The following AREG variants were observed in gnomAD, a reference collection of about 807,000 sequenced individuals.
The protein encoded by AREG is amphiregulin.
A neutral mutation model predicts 28.0 loss-of-function variants in AREG; 16 were observed. The ratio of observed to expected loss-of-function variants is 0.57; its 90% CI spans 0.39 to 0.87. AREG has a LOEUF of 0.87. Ranked by LOEUF, AREG falls within the 40% of genes least tolerant of loss-of-function variation. The pLI is 0.00. For missense variants in AREG, 287 were observed against 309.1 expected, an observed-to-expected ratio of 0.93 and a Z score of 0.53; for synonymous variants, 113 against 113.5, an observed-to-expected ratio of 1.00 and a Z score of 0.02.
In AREG at chr4:74,445,293, TC is replaced by T; in HGVS notation, c.-50del. 1 of 1,591,716 alleles carries T rather than the reference TC, an allele frequency of 6.3e-7. No homozygotes were observed. The highest frequency in any genetic ancestry group is 8.5e-7 in the Non-Finnish European group (1 of 1,171,274). ...CCGCTCGTTTTGGCGGCAGCTCGTGTCCCAGAGACCGAGTTGCCCCAGAGAC... is the reference window on the plus strand; with the variant it reads ...CCGCTCGTTTTGGCGGCAGCTCGTGTCCAGAGACCGAGTTGCCCCAGAGAC... On this transcript the variant is annotated 5_prime_UTR_variant, in exon 1 of 6. Transcript: ENST00000395748.
intron 2 of AREG, among the ~76,000 whole-genome samples, chr4:74,448,486 A>G (rs1278640049): frequency 2.0e-5 from 3 of 152,224 alleles, no homozygotes; most frequent in Admixed American, 2.0e-4. Flanking sequence ...TTTGCTAAAT[A>G]TTCACTTGGA....
chr4:74,451,018 C>A (rs1437181838), intron 4 of AREG, among the ~76,000 whole-genome samples: 1 of 152,152 alleles, frequency 6.6e-6, no homozygotes, highest in African/African-American at 2.4e-5. Context: ...ATGCAAAATT[C>A]TGAGTTAGGA....
intron 2 of AREG, among the ~76,000 whole-genome samples, chr4:74,447,337 T>C (rs1479748455): frequency 2.0e-5 from 3 of 152,312 alleles, no homozygotes; most frequent in African/African-American, 4.8e-5. Flanking sequence ...CATTAGACTT[T>C]AGCGTTTAAG....
rs1276362536 is a variant in AREG at position 74,445,159 on chromosome 4, A to G, written c.-187A>G. Reference sequence around the variant, plus strand: ...ACAGACGTTCGCACACCTGGGTGCCAGCGCCCCAGAGGTCCCGGGACAGCC... The same window carrying G: ...ACAGACGTTCGCACACCTGGGTGCCGGCGCCCCAGAGGTCCCGGGACAGCC... On this transcript the variant is annotated 5_prime_UTR_variant, in exon 1 of 6. Coordinates refer to ENST00000395748, the MANE Select transcript of AREG (RefSeq NM_001657.4). 7 of 1,329,650 alleles carry G rather than the reference A, an allele frequency of 5.3e-6. No homozygotes were observed. Among genetic ancestry groups the G allele is most frequent in the Middle Eastern group, 5.4e-4 (2 of 3,674 alleles). 82.4% of individuals were successfully genotyped at this position (1,329,650 alleles called of 1,614,324 possible). A position where few individuals can be genotyped will look rare whatever the true frequency, so the allele number is the denominator to read the frequency against.
intron 2 of AREG, among the ~76,000 whole-genome samples, chr4:74,448,251 A>G (rs1435908618): frequency 6.6e-6 from 1 of 152,250 alleles, no homozygotes; most frequent in Non-Finnish European, 1.5e-5. Flanking sequence ...GTTTCAATAT[A>G]AAAATCGCAT....
At chr4:74,448,812 A>G (rs1257484220) in intron 2 of AREG, 2 of 502,532 alleles carry the variant, frequency 4.0e-6, no homozygotes, top group Non-Finnish European at 3.4e-6. Context: ...ACCTGCAAGT[A>G]GTACTCACTA....
intron 4 of AREG, among the ~76,000 whole-genome samples, chr4:74,452,180 A>T (rs1249921846): frequency 1.3e-5 from 2 of 152,284 alleles, no homozygotes; most frequent in African/African-American, 4.8e-5. Context: ...TAATCATTTA[A>T]TTTGTGCAAG....
chr4:74,445,271 C>T lies in AREG; in HGVS notation c.-75C>T. On this transcript the variant is annotated 5_prime_UTR_variant, in exon 1 of 6. Transcript: ENST00000395748. Reference sequence around the variant, plus strand: ...TCTCCACTCGCTCTTCCAACACCCGCTCGTTTTGGCGGCAGCTCGTGTCCC... The same window carrying T: ...TCTCCACTCGCTCTTCCAACACCCGTTCGTTTTGGCGGCAGCTCGTGTCCC... 1.9e-6 allele frequency: 3 copies of T among 1,570,730 alleles called. No individual in the cohort carries two copies. Among genetic ancestry groups the T allele is most frequent in the East Asian group, 2.3e-5 (1 of 42,814 alleles).
intron 2 of AREG, among the ~76,000 whole-genome samples, chr4:74,447,642 A>G (rs933068548): frequency 0.012 from 1,897 of 152,320 alleles, 20 homozygotes; most frequent in Non-Finnish European, 0.019. Context: ...CATCCACTAC[A>G]GAGGCAGGGC....
intron 2 of AREG, among the ~76,000 whole-genome samples, chr4:74,447,247 C>T (rs1359296304): frequency 6.6e-6 from 1 of 152,108 alleles, no homozygotes; most frequent in Non-Finnish European, 1.5e-5. Context: ...GCTTTTGTAT[C>T]CCCTTCCCCA....
chr4:74,453,663 T>C (rs1719414990), intron 5 of AREG, among the ~76,000 whole-genome samples: 1 of 152,114 alleles, frequency 6.6e-6, no homozygotes, highest in Admixed American at 6.6e-5. Context: ...TCCCAGCACT[T>C]TGGGAGGCTG....
chr4:74,448,034 A>G (rs1719319882), intron 2 of AREG, among the ~76,000 whole-genome samples: 1 of 152,242 alleles, frequency 6.6e-6, no homozygotes, highest in South Asian at 2.1e-4. Flanking sequence ...TGTGAAATAG[A>G]GTGAAAATGT....
Position 74,446,570 on chromosome 4 carries a change from A to T in AREG, c.98A>T (p.Tyr33Phe), listed in dbSNP as rs201209086. Residue 33 changes from tyrosine (Y) to phenylalanine (F), a missense_variant, in exon 2 of 6, where the codon TAC becomes TTC. By Grantham distance (22) the Tyr-to-Phe change is conservative. Transcript: ENST00000395748. ...YAAGLDLNDT[Y>F]SGKREPFSGD... Reference sequence around the variant, plus strand: ...GCTGGATTGGACCTCAATGACACCTACTCTGGGAAGCGTGAACCATTTTCT... The same window carrying T: ...GCTGGATTGGACCTCAATGACACCTTCTCTGGGAAGCGTGAACCATTTTCT... 2 of 1,613,584 alleles carry T rather than the reference A, an allele frequency of 1.2e-6. No homozygotes were observed. Among genetic ancestry groups the T allele is most frequent in the Non-Finnish European group, 1.7e-6 (2 of 1,179,814 alleles).
chr4:74,446,888 G>C (rs1267742641), intron 2 of AREG, 106 bp downstream of exon 2: 2 of 1,582,216 alleles, frequency 1.3e-6, no homozygotes, highest in South Asian at 2.3e-5. Context: ...TGGCTTTATT[G>C]TATATCTGTT....
chr4:74,454,127 T>G (rs1442516283), intron 5 of AREG, among the ~76,000 whole-genome samples: 2 of 152,172 alleles, frequency 1.3e-5, no homozygotes, highest in African/African-American at 4.8e-5. Flanking sequence ...ATTCATAAAA[T>G]GGGTAATTAT....
intron 1 of AREG, 115 bp from the exon 2 acceptor site, chr4:74,446,419 C>G: frequency 6.3e-7 from 1 of 1,575,390 alleles, no homozygotes; most frequent in Non-Finnish European, 8.7e-7. Context: ...CAAACAATAG[C>G]ACATGTGCAA....
intron 5 of AREG, among the ~76,000 whole-genome samples, 199 bp downstream of exon 5, chr4:74,452,854 G>A (rs1719402921): frequency 6.6e-6 from 1 of 152,086 alleles, no homozygotes; most frequent in Admixed American, 6.6e-5. Context: ...AGTATTATTA[G>A]GGATATAAAT....
intron 5 of AREG, 50 bp downstream of exon 5, chr4:74,452,705 A>G (rs977269412): frequency 4.3e-5 from 64 of 1,502,596 alleles, no homozygotes; most frequent in South Asian, 2.1e-4. Flanking sequence ...ATTTTGAAAA[A>G]TTTAACACTA....
Position 74,454,842 on chromosome 4 carries a change from C to T in AREG, c.*102C>T, listed in dbSNP as rs1452820799. ...CCAGTGGATCATAAGACAATGGACC[C>T]TTTTTGTTATGATGGTTTTAAACTT... is the stretch of plus-strand genomic sequence containing the variant. On this transcript the variant is annotated 3_prime_UTR_variant, in exon 6 of 6. Coordinates refer to ENST00000395748, the MANE Select transcript of AREG (RefSeq NM_001657.4). 5 of 699,754 alleles carry T rather than the reference C, an allele frequency of 7.1e-6. No homozygotes were observed. The highest frequency in any genetic ancestry group is 1.3e-5 in the Non-Finnish European group (5 of 383,464). 43.3% of individuals were successfully genotyped at this position (699,754 alleles called of 1,614,324 possible).
Sources: allele counts gnomAD v4.1 joint callset (sites outside exome capture counted in the v4.1 genomes callset), GRCh38; gene constraint gnomAD v4.1.1; transcripts MANE v1.5; gene names NCBI Gene and HGNC (gene_info 2026-07-23, HGNC 2026-07-21).